PLXDC2: variants seen among roughly 807,000 people sequenced by gnomAD.
The protein encoded by PLXDC2 is plexin domain containing 2.
A neutral mutation model predicts 68.9 loss-of-function variants in PLXDC2; 40 were observed. The ratio of observed to expected loss-of-function variants is 0.58; its 90% CI spans 0.45 to 0.76. The LOEUF (loss-of-function observed/expected upper bound fraction) is 0.76, where lower values mean the gene tolerates loss of function less well. Among genes scored for constraint, PLXDC2 ranks in the 30% least tolerant of loss-of-function variants. The probability of loss-of-function intolerance (pLI) is 0.00; values close to 1 mark genes in which losing one functional copy is unlikely to be tolerated. For synonymous variants in PLXDC2, 243 were observed against 234.2 expected, an observed-to-expected ratio of 1.04 and a Z score of -0.34; for missense variants, 644 against 661.9, an observed-to-expected ratio of 0.97 and a Z score of 0.30.
chr10:20,045,774 A>G (rs1835786852), intron 2 of PLXDC2, among the ~76,000 whole-genome samples: 6 of 152,132 alleles, frequency 3.9e-5, no homozygotes, highest in Admixed American at 3.9e-4. Context: ...TCATAGACCT[A>G]TTTATTCAAC....
intron 1 of PLXDC2, among the ~76,000 whole-genome samples, chr10:19,837,007 G>A (rs1836806011): frequency 6.6e-6 from 1 of 152,042 alleles, no homozygotes; most frequent in Non-Finnish European, 1.5e-5. Context: ...TGCCTTTCAA[G>A]AAATTTTTGG....
chr10:19,891,980 GA>G (rs1837971695), intron 1 of PLXDC2, among the ~76,000 whole-genome samples: 1 of 151,960 alleles, frequency 6.6e-6, no homozygotes, highest in South Asian at 2.1e-4. Flanking sequence ...CTTATTTATA[GA>G]AAAAAGAACT....
At chr10:19,925,520 T>C (rs1013429760) in intron 1 of PLXDC2, among the ~76,000 whole-genome samples, 5 of 152,266 alleles carry the variant, frequency 3.3e-5, no homozygotes, top group Non-Finnish European at 7.3e-5. Flanking sequence ...ATGTATTTAA[T>C]CATTAAGTTT....
intron 13 of PLXDC2, among the ~76,000 whole-genome samples, chr10:20,253,087 A>G (rs1333659734): frequency 6.6e-6 from 1 of 152,026 alleles, no homozygotes; most frequent in Non-Finnish European, 1.5e-5. Flanking sequence ...TTCCTAGGCC[A>G]GGTGCGGTGG....
chr10:19,995,485 G>A (rs1019455870), intron 1 of PLXDC2, among the ~76,000 whole-genome samples: 1 of 152,184 alleles, frequency 6.6e-6, no homozygotes, highest in Non-Finnish European at 1.5e-5. Context: ...ACTATCTTTT[G>A]TCTAGCATGT....
At position 20,285,119 on chromosome 10, in the gene PLXDC2, C is replaced by A. The variant is rs1836135584; in HGVS notation, c.*5300C>A. 1 of 152,158 alleles carries A rather than the reference C, an allele frequency of 6.6e-6. No homozygotes were observed. Among genetic ancestry groups the A allele is most frequent in the Non-Finnish European group, 1.5e-5 (1 of 68,028 alleles). The allele number at this position is 152,158 out of a possible 1,614,324, so 9.4% of individuals were successfully genotyped here. A position where few individuals can be genotyped will look rare whatever the true frequency, so the allele number is the denominator to read the frequency against. On this transcript the variant is annotated 3_prime_UTR_variant, in exon 14 of 14. Transcript: ENST00000377252. Reference sequence around the variant, plus strand: ...GATTTTCTGACCACATATATAATTGCAATTTTTATTTGCTCTTCAAACTAT... The same window carrying A: ...GATTTTCTGACCACATATATAATTGAAATTTTTATTTGCTCTTCAAACTAT...
At chr10:20,017,024 C>T (rs1028470318) in intron 2 of PLXDC2, among the ~76,000 whole-genome samples, 3 of 152,236 alleles carry the variant, frequency 2.0e-5, no homozygotes, top group African/African-American at 7.2e-5. Flanking sequence ...TTCCTCTCTG[C>T]TTTCTCTCCT....
chr10:20,278,293 GT>G (rs1836035211), intron 13 of PLXDC2, among the ~76,000 whole-genome samples: 2 of 152,134 alleles, frequency 1.3e-5, no homozygotes, highest in Non-Finnish European at 2.9e-5. Flanking sequence ...CAGCTGTGAA[GT>G]CACTAAAACC....
At chr10:19,999,824 C>T (rs758710967) in intron 1 of PLXDC2, among the ~76,000 whole-genome samples, 3 of 152,068 alleles carry the variant, frequency 2.0e-5, no homozygotes, top group African/African-American at 2.4e-5. Context: ...TGCCTAAAAC[C>T]GTAGGTCTCA....
chr10:20,190,889 C>T (rs1017170770), intron 9 of PLXDC2, among the ~76,000 whole-genome samples: 13 of 151,724 alleles, frequency 8.6e-5, no homozygotes, highest in Admixed American at 7.3e-4. Context: ...CCCAGAAAAT[C>T]GAAATATGAC....
chr10:19,967,252 A>G (rs904286410), intron 1 of PLXDC2, among the ~76,000 whole-genome samples: 6 of 152,222 alleles, frequency 3.9e-5, no homozygotes, highest in South Asian at 2.1e-4. Context: ...TAGGGAACCA[A>G]TGTGAGTTCA....
rs536271198 is a variant in PLXDC2, at chr10:20,231,273, A to G, written c.1312+12171A>G. Among the ~76,000 whole-genome samples the G allele has an allele frequency of 4.7e-5, 7 of 150,018 alleles. No homozygotes were observed. The East Asian group carries it at 1.2e-3, about 25-fold the overall frequency. ...TATATATGAATATTGACAAATATAT[A>G]CAAATATATATAAATGTTTGATATA... On this transcript the variant is annotated intron_variant, in intron 12 of 13. Transcript: ENST00000377252.
rs745633152 is a variant in PLXDC2, at chr10:19,823,670, CAA to C, written c.112+6491_112+6492del. On this transcript the variant is annotated intron_variant, in intron 1 of 13. Coordinates refer to ENST00000377252, the MANE Select transcript of PLXDC2 (RefSeq NM_032812.9). ...TGGGCGACAGAGCAAGACTTCATCT[CAA>C]AAAAAAAAAAATTCTCATAAAACTT... 9.6e-4 allele frequency among the ~76,000 whole-genome samples: 134 copies of C among 139,012 alleles called. 1 individual carries two copies. Among genetic ancestry groups the C allele is most frequent in the African/African-American group, 3.4e-3 (131 of 38,210 alleles). The allele number at this position is 139,012 out of a possible 152,430, so 91.2% of individuals were successfully genotyped here. A position where few individuals can be genotyped will look rare whatever the true frequency, so the allele number is the denominator to read the frequency against.
At chr10:20,190,924 A>G (rs1834756772) in intron 9 of PLXDC2, among the ~76,000 whole-genome samples, 1 of 152,012 alleles carries the variant, frequency 6.6e-6, no homozygotes, top group Non-Finnish European at 1.5e-5. Flanking sequence ...TAATAGGAAC[A>G]TCCTACTTAA....
intron 10 of PLXDC2, among the ~76,000 whole-genome samples, chr10:20,212,564 A>G (rs554269416): frequency 1.3e-5 from 2 of 152,304 alleles, no homozygotes; most frequent in Admixed American, 1.3e-4. Flanking sequence ...ATTTTGAATT[A>G]AAACTGCTAA....
chr10:20,238,419 C>T (rs1353444553), intron 12 of PLXDC2, among the ~76,000 whole-genome samples: 1 of 150,146 alleles, frequency 6.7e-6, no homozygotes, highest in Non-Finnish European at 1.5e-5. Context: ...GACTGAAACA[C>T]ATGTATCACT....
intron 9 of PLXDC2, among the ~76,000 whole-genome samples, chr10:20,189,742 T>C (rs941392692): frequency 6.6e-6 from 1 of 151,330 alleles, no homozygotes; most frequent in African/African-American, 2.4e-5. Flanking sequence ...CTTGTCTTTT[T>C]TCAAAATATG....
chr10:20,255,769 T>C (rs1242030123), intron 13 of PLXDC2, among the ~76,000 whole-genome samples: 1 of 152,088 alleles, frequency 6.6e-6, no homozygotes, highest in Non-Finnish European at 1.5e-5. Context: ...GTAAAGAATG[T>C]ATTATAAATG....
chr10:19,986,572 A>G (rs1292639118), intron 1 of PLXDC2, among the ~76,000 whole-genome samples: 1 of 151,870 alleles, frequency 6.6e-6, no homozygotes, highest in Non-Finnish European at 1.5e-5. Flanking sequence ...AAGACATACA[A>G]AAAGAAATGA....
Sources: allele counts gnomAD v4.1 joint callset (sites outside exome capture counted in the v4.1 genomes callset), GRCh38; gene constraint gnomAD v4.1.1; transcripts MANE v1.5; gene names NCBI Gene and HGNC (gene_info 2026-07-23, HGNC 2026-07-21).